TMEM50B: variants seen among roughly 807,000 people sequenced by gnomAD.
TMEM50B encodes the protein HCV p7-trans-regulated protein 3.
TMEM50B carries 14 observed loss-of-function variants against 23.4 expected under a neutral mutation model. That is an observed-to-expected ratio of 0.60 (90% confidence interval 0.39 to 0.93). The LOEUF is 0.93. TMEM50B is among the 40% of genes least tolerant of loss of function. The probability of loss-of-function intolerance (pLI) is 0.00; values close to 1 mark genes in which losing one functional copy is unlikely to be tolerated. For missense variants in TMEM50B, 159 were observed against 193.0 expected (o/e 0.82, Z 1.04); for synonymous variants, 64 against 62.3 (o/e 1.03, Z -0.13).
intron 5 of TMEM50B, among the ~76,000 whole-genome samples, chr21:33,457,046 G>A (rs955703813): frequency 2.0e-5 from 3 of 152,120 alleles, no homozygotes; most frequent in African/African-American, 7.2e-5. Flanking sequence ...CTTGAGGTCA[G>A]GAGTTTGAGA....
At chr21:33,439,373 C>A (rs1205821949) in intron 7 of TMEM50B, 6 of 151,956 alleles carry the variant, frequency 3.9e-5, no homozygotes, top group Non-Finnish European at 7.4e-5. Flanking sequence ...GTAAGTGCAT[C>A]TGTGCCACCC....
Position 33,449,562 on chromosome 21 carries a change from G to A in TMEM50B, c.*1256C>T, listed in dbSNP as rs1456824147. On this transcript the variant is annotated 3_prime_UTR_variant, in exon 7 of 7. Coordinates refer to ENST00000542230, the MANE Select transcript of TMEM50B (RefSeq NM_006134.7). ...AACTCAGTAAAAGGAGTTTTTGATT[G>A]GAGTATGAACTTTCAAGTTGAAGAT... 6.6e-6 allele frequency: 1 copy of A among 152,248 alleles called. No individual in the cohort carries two copies. Among genetic ancestry groups the A allele is most frequent in the East Asian group, 1.9e-4 (1 of 5,198 alleles). 9.4% of individuals were successfully genotyped at this position (152,248 alleles called of 1,614,324 possible).
At chr21:33,478,896 G>A in intron 1 of TMEM50B, 1 of 458,982 alleles carries the variant, frequency 2.2e-6, no homozygotes, top group Non-Finnish European at 4.5e-6. Flanking sequence ...GTAGGATGAA[G>A]AGTCTGAGAA....
At chr21:33,436,079 C>T (rs1170810845) in intron 8 of TMEM50B, among the ~76,000 whole-genome samples, 2 of 151,356 alleles carry the variant, frequency 1.3e-5, no homozygotes, top group African/African-American at 4.9e-5. Flanking sequence ...AAATTGTTGC[C>T]GGGTGCAGTG....
At chr21:33,463,939 A>G (rs1475994007) in intron 4 of TMEM50B, among the ~76,000 whole-genome samples, 1 of 152,150 alleles carries the variant, frequency 6.6e-6, no homozygotes, top group Non-Finnish European at 1.5e-5. Flanking sequence ...ATAAAATAAT[A>G]AATACATTAG....
intron 1 of TMEM50B, among the ~76,000 whole-genome samples, chr21:33,476,948 A>C (rs769438264): frequency 4.6e-5 from 7 of 152,094 alleles, no homozygotes; most frequent in Non-Finnish European, 8.8e-5. Context: ...TCAATAAGGA[A>C]CCAAAAAATG....
intron 2 of TMEM50B, among the ~76,000 whole-genome samples, chr21:33,467,687 C>T (rs1323093829): frequency 6.6e-5 from 10 of 152,152 alleles, no homozygotes; most frequent in Admixed American, 6.6e-4. Flanking sequence ...CTAATCCTAG[C>T]TACTTGGGAG....
At chr21:33,478,580 T>C (rs549889874) in intron 1 of TMEM50B, among the ~76,000 whole-genome samples, 93 of 152,242 alleles carry the variant, frequency 6.1e-4, no homozygotes, top group African/African-American at 1.6e-3. Flanking sequence ...GCTGTAACCC[T>C]AGTTGACAGA....
intron 7 of TMEM50B, among the ~76,000 whole-genome samples, chr21:33,440,531 T>C (rs1330122059): frequency 6.6e-6 from 1 of 151,564 alleles, no homozygotes; most frequent in Non-Finnish European, 1.5e-5. Flanking sequence ...GAGGTTGCAG[T>C]GAGCAGAGAT....
chr21:33,447,342 G>GTCCTAGCTACTCAC (rs967545234), downstream of TMEM50B, among the ~76,000 whole-genome samples: 9 of 151,940 alleles, frequency 5.9e-5, no homozygotes, highest in Non-Finnish European at 1.2e-4. Flanking sequence ...CACACCTATA[G>GTCCTAGCTACTCAC]TAGACTGAGG....
At chr21:33,462,709 C>T (rs558446251) in intron 4 of TMEM50B, among the ~76,000 whole-genome samples, 80 of 152,110 alleles carry the variant, frequency 5.3e-4, no homozygotes, top group Admixed American at 1.0e-3. Context: ...CAGCAATGTC[C>T]GTGGAATATT....
chr21:33,438,391 G>C (rs1181506369), intron 8 of TMEM50B, among the ~76,000 whole-genome samples: 1 of 152,176 alleles, frequency 6.6e-6, no homozygotes, highest in Non-Finnish European at 1.5e-5. Context: ...GGGATTTGTG[G>C]GCAATAAAGA....
intron 7 of TMEM50B, among the ~76,000 whole-genome samples, chr21:33,439,661 T>G (rs139325104): frequency 0.092 from 13,931 of 151,778 alleles, 865 homozygotes; most frequent in East Asian, 0.25. Flanking sequence ...ATTACAGGTG[T>G]GAGCCACTGT....
chr21:33,479,579 G>A (rs2084407951), intron 1 of TMEM50B, among the ~76,000 whole-genome samples: 1 of 152,216 alleles, frequency 6.6e-6, no homozygotes, highest in African/African-American at 2.4e-5. Flanking sequence ...GCCTCCCCGG[G>A]CTGCTTGCGG....
At chr21:33,466,745 C>CAA (rs1229799883) in intron 3 of TMEM50B, among the ~76,000 whole-genome samples, 1 of 149,406 alleles carries the variant, frequency 6.7e-6, no homozygotes, top group Non-Finnish European at 1.5e-5. Context: ...TTGCAACTGA[C>CAA]AAAATATGTA....
In TMEM50B at chr21:33,473,654, C is replaced by CAAAA. The variant is rs145070351; in HGVS notation, c.-41-4732_-41-4729dup. Among the ~76,000 whole-genome samples, 226 of 118,922 alleles carry CAAAA rather than the reference C, an allele frequency of 1.9e-3. 3 individuals are homozygous for CAAAA. The East Asian group carries it at 0.026, about 14-fold the overall frequency. The allele number at this position is 118,922 out of a possible 152,430, so 78.0% of individuals were successfully genotyped here. On this transcript the variant is annotated intron_variant, in intron 1 of 6. Coordinates refer to ENST00000542230, the MANE Select transcript of TMEM50B (RefSeq NM_006134.7). ...CAGGTGACACAGTGAGACCTTGTCT[C>CAAAA]AAAAAAAAAAAAAAACAAGAAGGTG...
At chr21:33,452,110 CAA>C (rs2084127154) in intron 6 of TMEM50B, among the ~76,000 whole-genome samples, 1 of 152,234 alleles carries the variant, frequency 6.6e-6, no homozygotes, top group African/African-American at 2.4e-5. Flanking sequence ...TCTACCACCA[CAA>C]AGTGTTGAAT....
chr21:33,457,271 A>G (rs963117198), intron 5 of TMEM50B, among the ~76,000 whole-genome samples: 17 of 152,216 alleles, frequency 1.1e-4, no homozygotes, highest in African/African-American at 4.1e-4. Context: ...AAAGAAAAGT[A>G]TATTTAAATG....
intron 6 of TMEM50B, among the ~76,000 whole-genome samples, chr21:33,454,006 AG>A (rs2084146143): frequency 1.3e-5 from 2 of 148,854 alleles, no homozygotes; most frequent in South Asian, 4.3e-4. Context: ...TGGGAGGCTG[AG>A]GCACGGAATT....
Sources: allele counts gnomAD v4.1 joint callset (sites outside exome capture counted in the v4.1 genomes callset), GRCh38; gene constraint gnomAD v4.1.1; transcripts MANE v1.5; gene names NCBI Gene and HGNC (gene_info 2026-07-23, HGNC 2026-07-21).